Variants in DIP2C observed in about 807,000 individuals in gnomAD.
The protein encoded by DIP2C is DIP2 acetate--CoA ligase C (putative).
Under a neutral mutation model 192.4 loss-of-function variants are expected in DIP2C, and 33 were observed. That is an observed-to-expected ratio of 0.17 (90% CI 0.13 to 0.23). DIP2C has a LOEUF of 0.23. DIP2C is among the 10% of genes least tolerant of loss of function. DIP2C has a pLI of 1.00. For missense variants in DIP2C, 1,537 were observed against 2,110.1 expected, an observed-to-expected ratio of 0.73 and a Z score of 5.32; for synonymous variants, 979 against 864.1, an observed-to-expected ratio of 1.13 and a Z score of -2.33.
intron 13 of DIP2C, among the ~76,000 whole-genome samples, chr10:388,893 G>A (rs1212457720): frequency 2.6e-5 from 4 of 152,194 alleles, no homozygotes; most frequent in Admixed American, 2.6e-4. Context: ...GAGCCTCAGG[G>A]GGTCTCCGGA....
chr10:338,582 G>T (rs1377732505), intron 29 of DIP2C, among the ~76,000 whole-genome samples: 2 of 152,200 alleles, frequency 1.3e-5, no homozygotes. Context: ...GGGTGTGTCA[G>T]GCTGTACCAG....
intron 1 of DIP2C, among the ~76,000 whole-genome samples, chr10:583,527 G>A (rs1850794919): frequency 1.3e-5 from 2 of 152,226 alleles, no homozygotes; most frequent in African/African-American, 4.8e-5. Flanking sequence ...GCAGTCAGGA[G>A]AGGGGCGGCT....
intron 1 of DIP2C, among the ~76,000 whole-genome samples, chr10:601,996 G>A (rs1479130564): frequency 6.6e-6 from 1 of 151,534 alleles, no homozygotes; most frequent in Non-Finnish European, 1.5e-5. Flanking sequence ...TTGAAGTCCT[G>A]ACTCTGGCCT....
At chr10:581,453 CTTAGAGGTTTTT>C (rs1850655012) in intron 1 of DIP2C, among the ~76,000 whole-genome samples, 20 of 151,914 alleles carry the variant, frequency 1.3e-4, no homozygotes, top group Admixed American at 1.3e-3. Flanking sequence ...CAAAAATGTA[CTTAGAGGTTTTT>C]TTTAAAGTTA....
intron 1 of DIP2C, among the ~76,000 whole-genome samples, chr10:531,284 T>A (rs1847354770): frequency 2.6e-5 from 4 of 152,030 alleles, no homozygotes; most frequent in Admixed American, 1.3e-4. Context: ...CTGTAAACGT[T>A]CAGACATTCC....
intron 1 of DIP2C, among the ~76,000 whole-genome samples, chr10:607,295 G>A (rs954061680): frequency 6.6e-6 from 1 of 152,154 alleles, no homozygotes; most frequent in African/African-American, 2.4e-5. Flanking sequence ...CTGAGCTGCT[G>A]GACCTCTGCC....
intron 4 of DIP2C, chr10:438,032 G>T (rs890368881): frequency 2.0e-5 from 3 of 152,202 alleles, no homozygotes; most frequent in Non-Finnish European, 4.4e-5. Flanking sequence ...ATTTATGATT[G>T]TACAAAACTA....
At chr10:580,491 G>A (rs932658770) in intron 1 of DIP2C, among the ~76,000 whole-genome samples, 4 of 152,102 alleles carry the variant, frequency 2.6e-5, no homozygotes, top group East Asian at 1.9e-4. Context: ...TGTCCAAATA[G>A]TGTGGATATA....
chr10:688,520 A>G (rs1363286799), intron 1 of DIP2C, among the ~76,000 whole-genome samples: 3 of 152,150 alleles, frequency 2.0e-5, no homozygotes, highest in African/African-American at 7.2e-5. Context: ...AAAGTTCACC[A>G]TGCTAAACTG....
At chr10:576,254 G>A (rs141260478) in intron 1 of DIP2C, among the ~76,000 whole-genome samples, 16 of 152,352 alleles carry the variant, frequency 1.1e-4, no homozygotes, top group African/African-American at 3.8e-4. Flanking sequence ...CTGTCGCCCA[G>A]TTATCCCAAG....
At chr10:686,555 C>G (rs1451047057) in intron 1 of DIP2C, among the ~76,000 whole-genome samples, 2 of 152,232 alleles carry the variant, frequency 1.3e-5, no homozygotes, top group African/African-American at 2.4e-5. Flanking sequence ...AGGAGATGAC[C>G]CCCCTGGCCA....
rs1564594748 is a variant in DIP2C at position 347,861 on chromosome 10, TCG to T, written c.3231+778_3231+779del. Among the ~76,000 whole-genome samples the T allele has an allele frequency of 3.2e-3, 325 of 100,306 alleles. 10 individuals carry two copies. Among genetic ancestry groups the T allele is most frequent in the African/African-American group, 0.012 (305 of 26,326 alleles). The allele number at this position is 100,306 out of a possible 152,430, so 65.8% of individuals were successfully genotyped here. A position where few individuals can be genotyped will look rare whatever the true frequency, so the allele number is the denominator to read the frequency against. On this transcript the variant is annotated intron_variant, in intron 26 of 36. Coordinates refer to ENST00000280886, the MANE Select transcript of DIP2C (RefSeq NM_014974.3). Reference sequence around the variant, plus strand: ...GAAACCCCACACGCACCCAGACGCGTCGCGCATAGCTCTCCCGGAAACCCCAC... The same window carrying T: ...GAAACCCCACACGCACCCAGACGCGTCGCATAGCTCTCCCGGAAACCCCAC...
intron 1 of DIP2C, 27 bp from the exon 2 acceptor site, chr10:486,557 G>A (rs771922669): frequency 1.0e-5 from 16 of 1,590,622 alleles, no homozygotes; most frequent in South Asian, 4.6e-5. Context: ...ATGAAGTTCA[G>A]TATGGTCTCC....
intron 29 of DIP2C, among the ~76,000 whole-genome samples, chr10:338,748 C>T (rs1203399484): frequency 6.6e-6 from 1 of 152,158 alleles, no homozygotes; most frequent in Non-Finnish European, 1.5e-5. Flanking sequence ...CTCTGACTCC[C>T]CCACGCTGCA....
chr10:499,294 G>A (rs1287525106), intron 1 of DIP2C, among the ~76,000 whole-genome samples: 1 of 152,180 alleles, frequency 6.6e-6, no homozygotes, highest in East Asian at 1.9e-4. Flanking sequence ...CATTTGCACT[G>A]TCACCTTCTC....
rs1554822402 is a variant in DIP2C, at chr10:336,912, G to GTGTT, written c.3584+4286_3584+4287insAACA. Among the ~76,000 whole-genome samples the GTGTT allele has an allele frequency of 2.7e-4, 30 of 112,938 alleles. 1 individual carries two copies. Among genetic ancestry groups the GTGTT allele is most frequent in the African/African-American group, 7.7e-4 (29 of 37,442 alleles). The allele number at this position is 112,938 out of a possible 152,430, so 74.1% of individuals were successfully genotyped here. Reference sequence around the variant, plus strand: ...CCTAGGCAGGTGTGTGTGTGTGTGTGTGTGTGTGTTGTGGAGGCCTAGACT... The same window carrying GTGTT: ...CCTAGGCAGGTGTGTGTGTGTGTGTGTGTTTGTGTGTGTTGTGGAGGCCTAGACT... On this transcript the variant is annotated intron_variant, in intron 29 of 36. Coordinates refer to ENST00000280886, the MANE Select transcript of DIP2C (RefSeq NM_014974.3).
intron 1 of DIP2C, among the ~76,000 whole-genome samples, chr10:599,745 CTTT>C (rs141440394): frequency 0.082 from 12,493 of 152,156 alleles, 833 homozygotes; most frequent in African/African-American, 0.18. Context: ...CCAACGGGCC[CTTT>C]TTTAAGATTC....
chr10:678,568 CACGCCCGTCCTCCCT>C (rs1830959102), intron 1 of DIP2C, among the ~76,000 whole-genome samples: 1 of 151,018 alleles, frequency 6.6e-6, no homozygotes, highest in African/African-American at 2.5e-5. Context: ...CCATGCTCCC[CACGCCCGTCCTCCCT>C]GCAGCCATGC....
At chr10:637,457 G>A (rs1382541341) in intron 1 of DIP2C, among the ~76,000 whole-genome samples, 3 of 152,260 alleles carry the variant, frequency 2.0e-5, no homozygotes, top group African/African-American at 7.2e-5. Flanking sequence ...AGACCTGACA[G>A]GTTTGTCTGG....
Sources: allele counts gnomAD v4.1 joint callset (sites outside exome capture counted in the v4.1 genomes callset), GRCh38; gene constraint gnomAD v4.1.1; transcripts MANE v1.5; gene names NCBI Gene and HGNC (gene_info 2026-07-23, HGNC 2026-07-21).